The following SEPTIN9 variants were observed in gnomAD, a reference collection of about 807,000 sequenced individuals.
SEPTIN9 encodes the protein septin 9, also known as septin-9.
SEPTIN9 carries 13 observed loss-of-function variants against 56.6 expected under a neutral mutation model. The ratio of observed to expected loss-of-function variants is 0.23; its 90% CI spans 0.15 to 0.37. SEPTIN9 has a LOEUF of 0.37. Among genes scored for constraint, SEPTIN9 ranks in the 10% least tolerant of loss-of-function variants. The probability of loss-of-function intolerance (pLI) is 1.00; values close to 1 mark genes in which losing one functional copy is unlikely to be tolerated. For missense variants in SEPTIN9, 650 were observed against 823.1 expected, an observed-to-expected ratio of 0.79 and a Z score of 2.57; for synonymous variants, 332 against 334.1, an observed-to-expected ratio of 0.99 and a Z score of 0.07.
Position 77,450,404 on chromosome 17 carries a change from G to T in SEPTIN9, c.722-31740G>T, listed in dbSNP as rs2037919472. The T allele has an allele frequency of 5.8e-6, 5 of 863,698 alleles. No individual in the cohort carries two copies. The highest frequency in any genetic ancestry group is 7.0e-6 in the Non-Finnish European group (5 of 718,716). The allele number at this position is 863,698 out of a possible 1,614,324, so 53.5% of individuals were successfully genotyped here. A position where few individuals can be genotyped will look rare whatever the true frequency, so the allele number is the denominator to read the frequency against. On this transcript the variant is annotated intron_variant, in intron 3 of 11. Transcript: ENST00000427177. The surrounding 1 kb of genome is among the most constrained non-coding windows in gnomAD (Gnocchi z 6.0). ...GAATTCAGCCCCTGGCCCTCAGAAG[G>T]TGTCACCAAAGGCTTCTTTCCATTT...
chr17:77,293,363 T>C (rs2031659524), intron 1 of SEPTIN9, among the ~76,000 whole-genome samples: 1 of 152,144 alleles, frequency 6.6e-6, no homozygotes, highest in Non-Finnish European at 1.5e-5. Context: ...GGTCTTACTA[T>C]GTTGCCCAGG....
At position 77,319,847 on chromosome 17, in the gene SEPTIN9, A is replaced by C; in HGVS notation, c.76+12650A>C. ...GTCTAAGTTAAGCATCTCCAAGTGG[A>C]TATTAAAAAGGAGCAGCAAGCCTCG... On this transcript the variant is annotated intron_variant, in intron 2 of 11. Transcript: ENST00000427177. The surrounding 1 kb of genome is among the most constrained non-coding windows in gnomAD (Gnocchi z 5.3). 1 of 1,088,826 alleles carries C rather than the reference A, an allele frequency of 9.2e-7. No homozygotes were observed. Among genetic ancestry groups the C allele is most frequent in the African/African-American group, 1.6e-5 (1 of 61,792 alleles). 67.4% of individuals were successfully genotyped at this position (1,088,826 alleles called of 1,614,324 possible). A position where few individuals can be genotyped will look rare whatever the true frequency, so the allele number is the denominator to read the frequency against.
At chr17:77,415,115 A>AC (rs1317319067) in intron 3 of SEPTIN9, among the ~76,000 whole-genome samples, 1 of 152,016 alleles carries the variant, frequency 6.6e-6, no homozygotes. Context: ...TTAAAAAAAA[A>AC]ATGCTGGTCA....
At chr17:77,339,352 C>T (rs1466842603) in intron 2 of SEPTIN9, among the ~76,000 whole-genome samples, 1 of 152,290 alleles carries the variant, frequency 6.6e-6, no homozygotes, top group African/African-American at 2.4e-5. Flanking sequence ...TCAAATTTAT[C>T]CCTTCTCCAT....
intron 1 of SEPTIN9, among the ~76,000 whole-genome samples, chr17:77,305,140 C>A (rs983181740): frequency 2.0e-5 from 3 of 152,060 alleles, no homozygotes; most frequent in Non-Finnish European, 2.9e-5. Flanking sequence ...TGGCCAGGAA[C>A]CCCTGGGTTT....
chr17:77,469,817 C>CCATCCACT (rs1196336306), intron 3 of SEPTIN9: 2 of 150,876 alleles, frequency 1.3e-5, no homozygotes, highest in Non-Finnish European at 3.0e-5. Context: ...ACCCATCCAC[C>CCATCCACT]CATCCACTCA....
chr17:77,282,072 G>A (rs896142654), intron 1 of SEPTIN9, among the ~76,000 whole-genome samples: 1 of 152,300 alleles, frequency 6.6e-6, no homozygotes, highest in African/African-American at 2.4e-5. Context: ...CACGTTTTGC[G>A]CTCAGGACGC....
At chr17:77,296,051 T>G (rs556403542) in intron 1 of SEPTIN9, among the ~76,000 whole-genome samples, 1 of 152,206 alleles carries the variant, frequency 6.6e-6, no homozygotes, top group African/African-American at 2.4e-5. Flanking sequence ...ATTGATGTCC[T>G]TATAAGAAGA....
intron 3 of SEPTIN9, among the ~76,000 whole-genome samples, chr17:77,477,489 A>G (rs2039265111): frequency 6.6e-6 from 1 of 152,314 alleles, no homozygotes; most frequent in South Asian, 2.1e-4. Context: ...TGGCTGAGAA[A>G]TAGTCCGCTG....
intron 4 of SEPTIN9, among the ~76,000 whole-genome samples, chr17:77,485,015 G>A (rs138214075): frequency 0.046 from 652 of 14,282 alleles, no homozygotes; most frequent in Middle Eastern, 0.1. Context: ...GGTGATGGTG[G>A]TGATTGTGAT....
intron 1 of SEPTIN9, among the ~76,000 whole-genome samples, chr17:77,286,896 T>G (rs1019153414): frequency 6.6e-6 from 1 of 152,106 alleles, no homozygotes; most frequent in Non-Finnish European, 1.5e-5. Flanking sequence ...ACCTTTGGGG[T>G]GAGGCGGGAA....
intron 4 of SEPTIN9, among the ~76,000 whole-genome samples, chr17:77,484,724 G>T (rs2039629600): frequency 1.0e-5 from 1 of 100,234 alleles, no homozygotes; most frequent in Non-Finnish European, 2.0e-5. Context: ...GGTGGTGGTG[G>T]TGATTGTGAT....
intron 3 of SEPTIN9, among the ~76,000 whole-genome samples, chr17:77,430,037 C>G (rs563158342): frequency 2.6e-5 from 4 of 152,232 alleles, no homozygotes; most frequent in African/African-American, 7.2e-5. Context: ...TGCTTTCACG[C>G]CCAGCCTCCC....
chr17:77,408,057 C>A (rs1008324849), intron 3 of SEPTIN9, among the ~76,000 whole-genome samples: 1 of 152,030 alleles, frequency 6.6e-6, no homozygotes, highest in Non-Finnish European at 1.5e-5. Flanking sequence ...GTGCTCAGCG[C>A]TCGTTCATGG....
intron 2 of SEPTIN9, among the ~76,000 whole-genome samples, chr17:77,362,618 C>T (rs76798119): frequency 0.015 from 2,253 of 152,254 alleles, 61 homozygotes; most frequent in African/African-American, 0.049. Flanking sequence ...CAGGGGCAGA[C>T]GAGGCTGAAG....
intron 1 of SEPTIN9, chr17:77,288,274 C>T (rs545314125): frequency 2.8e-5 from 27 of 955,858 alleles, no homozygotes; most frequent in African/African-American, 2.8e-4. Context: ...ACGAGGCCTG[C>T]GCCATGGCCG....
intron 3 of SEPTIN9, among the ~76,000 whole-genome samples, chr17:77,480,789 G>GC (rs2039425639): frequency 6.6e-6 from 1 of 152,198 alleles, no homozygotes; most frequent in Admixed American, 6.5e-5. Context: ...CCCTGTCTTA[G>GC]CGCAGGATGC....
chr17:77,342,338 G>A (rs1007365764), intron 2 of SEPTIN9, among the ~76,000 whole-genome samples: 1 of 152,098 alleles, frequency 6.6e-6, no homozygotes, highest in African/African-American at 2.4e-5. Context: ...CTGTAATGTC[G>A]GTAGGATCCG....
rs558133508 is a variant in SEPTIN9 at position 77,346,020 on chromosome 17, G to T, written c.76+38823G>T. Among the ~76,000 whole-genome samples the T allele has an allele frequency of 3.0e-4, 45 of 152,088 alleles. No homozygotes were observed. The South Asian group carries it at 9.1e-3, about 31-fold the overall frequency. Reference sequence around the variant, plus strand: ...GGCTGGAGTGCAGTGGCATGATCTAGGCTCACTGCAACCTCCACCTCCCGG... The same window carrying T: ...GGCTGGAGTGCAGTGGCATGATCTATGCTCACTGCAACCTCCACCTCCCGG... On this transcript the variant is annotated intron_variant, in intron 2 of 11. Transcript: ENST00000427177.
Sources: gnomAD v4.1 joint callset for allele counts (sites outside exome capture counted in the v4.1 genomes callset) on GRCh38, gnomAD v4.1.1 for gene constraint, Gnocchi (gnomAD v3.1) non-coding constraint, MANE v1.5 for transcripts, NCBI Gene and HGNC (gene_info 2026-07-23, HGNC 2026-07-21) for gene names.